TLL1: variants seen among roughly 807,000 people sequenced by gnomAD.
TLL1 encodes the protein tolloid like 1.
A neutral mutation model predicts 128.2 loss-of-function variants in TLL1; 49 were observed. The ratio of observed to expected loss-of-function variants is 0.38; its 90% confidence interval spans 0.30 to 0.48. The LOEUF (loss-of-function observed/expected upper bound fraction) is 0.48. TLL1 is among the 20% of genes least tolerant of loss of function. TLL1 has a pLI of 0.96. For missense variants in TLL1, 1,123 were observed against 1,242.0 expected (o/e 0.90, Z 1.44); for synonymous variants, 454 against 418.8 (o/e 1.08, Z -1.03).
chr4:166,080,651 C>T lies in TLL1; in HGVS notation c.2442+2621C>T, dbSNP rs189220941. Among the ~76,000 whole-genome samples, 17 of 152,024 alleles carry T rather than the reference C, an allele frequency of 1.1e-4. No homozygotes were observed. The East Asian group carries it at 1.2e-3, about 10-fold the overall frequency. On this transcript the variant is annotated intron_variant, in intron 18 of 20. Coordinates refer to ENST00000061240, the MANE Select transcript of TLL1 (RefSeq NM_012464.5). Reference sequence around the variant, plus strand: ...ATAATAGAGACTTTATGTCTGGAAACGGATGCATCTCTTGTGTTAGGTTAT... The same window carrying T: ...ATAATAGAGACTTTATGTCTGGAAATGGATGCATCTCTTGTGTTAGGTTAT...
rs113362963 is a variant in TLL1 at position 165,953,229 on chromosome 4, A to G, written c.170-36152A>G. ...AGGTCATGTGTGGGAGACGGGTCCA[A>G]GTGAGTGTATATAGTATTTGTCCTT... On this transcript the variant is annotated intron_variant, in intron 1 of 20. Coordinates refer to ENST00000061240, the MANE Select transcript of TLL1 (RefSeq NM_012464.5). Among the ~76,000 whole-genome samples the G allele has an allele frequency of 2.3e-3, 354 of 152,220 alleles. 3 individuals carry two copies. Among genetic ancestry groups the G allele is most frequent in the African/African-American group, 7.8e-3 (326 of 41,552 alleles).
At chr4:166,016,790 T>C (rs879687749) in intron 8 of TLL1, among the ~76,000 whole-genome samples, 4 of 151,910 alleles carry the variant, frequency 2.6e-5, no homozygotes, top group East Asian at 1.9e-4. Flanking sequence ...AAAAGAGATA[T>C]ATAAATATAC....
chr4:165,992,500 G>T (rs1403839293), intron 2 of TLL1, among the ~76,000 whole-genome samples: 1 of 152,022 alleles, frequency 6.6e-6, no homozygotes, highest in East Asian at 1.9e-4. Flanking sequence ...GTAGCACTAT[G>T]TGATGTCAAG....
At chr4:165,917,565 A>G (rs189748486) in intron 1 of TLL1, among the ~76,000 whole-genome samples, 9 of 152,212 alleles carry the variant, frequency 5.9e-5, no homozygotes, top group Admixed American at 6.5e-5. Flanking sequence ...TGTACTTATA[A>G]CATCTATTTA....
intron 8 of TLL1, among the ~76,000 whole-genome samples, chr4:166,022,160 T>C (rs1327189949): frequency 1.3e-5 from 2 of 151,942 alleles, no homozygotes; most frequent in African/African-American, 4.8e-5. Flanking sequence ...GCCCTAAAGA[T>C]TCCTTTTCCT....
At chr4:166,047,085 A>AT (rs1263724788) in intron 12 of TLL1, among the ~76,000 whole-genome samples, 22 of 152,224 alleles carry the variant, frequency 1.4e-4, no homozygotes, top group Middle Eastern at 6.8e-3. Flanking sequence ...ATATTATATG[A>AT]TTTTACCTGA....
chr4:166,055,259 A>G lies in TLL1; in HGVS notation c.1708A>G (p.Asn570Asp). 1 of 1,613,562 alleles carries G rather than the reference A, an allele frequency of 6.2e-7. No individual in the cohort carries two copies. Residue 570 changes from asparagine (N) to aspartate (D), a missense_variant, in exon 13 of 21, where the codon AAC (asparagine) becomes GAC (aspartate). Asn to Asp is a conservative substitution (Grantham distance 23). This residue lies in a region of TLL1 where 634 missense variants were observed against 672.4 expected (regional missense o/e 0.94). Transcript: ENST00000061240. Reference protein sequence around the residue: ...GTVNKAGFAANFFKEEDECAK... With the variant: ...GTVNKAGFAADFFKEEDECAK... Reference sequence around the variant, plus strand: ...TGTGAACAAAGCAGGGTTTGCTGCTAACTTTTTTAAAGGTAATTTGAAATA... The same window carrying G: ...TGTGAACAAAGCAGGGTTTGCTGCTGACTTTTTTAAAGGTAATTTGAAATA...
At chr4:166,005,566 T>TA (rs146126785) in intron 6 of TLL1, among the ~76,000 whole-genome samples, 2,750 of 151,432 alleles carry the variant, frequency 0.018, 78 homozygotes, top group African/African-American at 0.061. Context: ...CAAAATAAGT[T>TA]AAAAAAAAGT....
chr4:165,897,403 T>A (rs1731730718), intron 1 of TLL1, among the ~76,000 whole-genome samples: 1 of 152,198 alleles, frequency 6.6e-6, no homozygotes, highest in Non-Finnish European at 1.5e-5. Flanking sequence ...AAGTTTTGTA[T>A]AAGGTGTAAG....
intron 12 of TLL1, among the ~76,000 whole-genome samples, chr4:166,051,281 TC>T (rs891595042): frequency 4.5e-5 from 5 of 110,884 alleles, no homozygotes; most frequent in Non-Finnish European, 7.4e-5. Flanking sequence ...CTCCCTCCCT[TC>T]TTTCTTCCCT....
At chr4:165,954,636 G>T (rs1336401200) in intron 1 of TLL1, among the ~76,000 whole-genome samples, 2 of 152,028 alleles carry the variant, frequency 1.3e-5, no homozygotes, top group African/African-American at 4.8e-5. Flanking sequence ...ACCAGAAAAT[G>T]CACACATTGC....
Position 165,989,662 on chromosome 4 carries a change from A to AT in TLL1, c.280+171_280+172insT, listed in dbSNP as rs1169318230. Among the ~76,000 whole-genome samples the AT allele has an allele frequency of 4.3e-5, 4 of 92,018 alleles. No individual in the cohort carries two copies. In the Admixed American group the frequency reaches 5.8e-4, roughly 13 times the overall value. The allele number at this position is 92,018 out of a possible 152,430, so 60.4% of individuals were successfully genotyped here. A position where few individuals can be genotyped will look rare whatever the true frequency, so the allele number is the denominator to read the frequency against. On this transcript the variant is annotated intron_variant, in intron 2 of 20. Coordinates refer to ENST00000061240, the MANE Select transcript of TLL1 (RefSeq NM_012464.5). ...TTTTATTCATAGTTTTCATTTTATT[A>AT]ATTTTTTTTTTTTTTTACCAAACAG...
intron 1 of TLL1, among the ~76,000 whole-genome samples, chr4:165,934,389 G>C (rs1216639627): frequency 6.6e-6 from 1 of 152,130 alleles, no homozygotes; most frequent in Non-Finnish European, 1.5e-5. Flanking sequence ...AAAATACAAT[G>C]ATGTTTTTAA....
At chr4:165,886,352 A>G (rs1271182412) in intron 1 of TLL1, among the ~76,000 whole-genome samples, 2 of 152,182 alleles carry the variant, frequency 1.3e-5, no homozygotes, top group East Asian at 3.9e-4. Flanking sequence ...GTCTTAGTAA[A>G]CTATGATGCA....
chr4:165,928,235 T>G (rs1050594184), intron 1 of TLL1, among the ~76,000 whole-genome samples: 4 of 152,210 alleles, frequency 2.6e-5, no homozygotes, highest in Non-Finnish European at 5.9e-5. Flanking sequence ...GAGCACCCAT[T>G]TTGTCAAACA....
At chr4:165,885,125 T>C (rs1731111887) in intron 1 of TLL1, among the ~76,000 whole-genome samples, 1 of 151,908 alleles carries the variant, frequency 6.6e-6, no homozygotes, top group Non-Finnish European at 1.5e-5. Flanking sequence ...CGTATCTGGG[T>C]AGTGGTATGA....
At position 165,994,361 on chromosome 4, in the gene TLL1, T is replaced by C; in HGVS notation, c.362-20T>C. ...GACCAAGAACTTCTGTTTCACAGAA[T>C]GTTTTAAATGTCACTGCAGGCTTGG... On this transcript the variant is annotated intron_variant, in intron 3 of 20. Coordinates refer to ENST00000061240, the MANE Select transcript of TLL1 (RefSeq NM_012464.5). The C allele has an allele frequency of 1.2e-6, 2 of 1,613,918 alleles. No individual in the cohort carries two copies. Among genetic ancestry groups the C allele is most frequent in the Non-Finnish European group, 1.7e-6 (2 of 1,179,826 alleles).
intron 12 of TLL1, among the ~76,000 whole-genome samples, chr4:166,054,566 TC>T (rs1739912710): frequency 1.2e-5 from 1 of 80,310 alleles, no homozygotes. Context: ...CCCTCCTCCC[TC>T]CCCCCACCCC....
chr4:165,877,568 G>A (rs1170784701), intron 1 of TLL1, among the ~76,000 whole-genome samples: 2 of 152,340 alleles, frequency 1.3e-5, no homozygotes, highest in Admixed American at 6.5e-5. Context: ...AAATAAATGT[G>A]AATCTGAGTA....
Sources: gnomAD v4.1 joint callset for allele counts (sites outside exome capture counted in the v4.1 genomes callset) on GRCh38, gnomAD v4.1.1 for gene constraint, gnomAD v4.1.1 regional missense constraint, MANE v1.5 for transcripts, NCBI Gene and HGNC (gene_info 2026-07-23, HGNC 2026-07-21) for gene names.